Variants in ASIC2 observed in about 807,000 individuals in gnomAD.
ASIC2 encodes the protein acid-sensing ion channel 2.
A neutral mutation model predicts 57.3 loss-of-function variants in ASIC2; 25 were observed. The ratio of observed to expected loss-of-function variants is 0.44; its 90% confidence interval spans 0.32 to 0.61. The LOEUF (loss-of-function observed/expected upper bound fraction) is 0.61, where lower values mean the gene tolerates loss of function less well. Ranked by LOEUF, ASIC2 falls within the 20% of genes least tolerant of loss-of-function variation. ASIC2 has a pLI of 0.06. For missense variants in ASIC2, 641 were observed against 738.1 expected, an observed-to-expected ratio of 0.87 and a Z score of 1.52; for synonymous variants, 319 against 307.5, an observed-to-expected ratio of 1.04 and a Z score of -0.39.
intron 1 of ASIC2, among the ~76,000 whole-genome samples, chr17:33,938,633 A>C (rs1342359018): frequency 1.3e-5 from 2 of 152,136 alleles, no homozygotes; most frequent in African/African-American, 4.8e-5. Flanking sequence ...TTATTTGCCC[A>C]AGGCAAACAA....
chr17:33,784,948 A>G (rs1567714774), intron 1 of ASIC2, among the ~76,000 whole-genome samples: 1 of 152,146 alleles, frequency 6.6e-6, no homozygotes, highest in Non-Finnish European at 1.5e-5. Flanking sequence ...GCTCACTAAC[A>G]GCAGATTCTA....
intron 2 of ASIC2, among the ~76,000 whole-genome samples, chr17:33,095,324 C>T (rs980053674): frequency 2.6e-5 from 4 of 152,200 alleles, no homozygotes; most frequent in Admixed American, 6.5e-5. Context: ...TCGACATTTT[C>T]CCTCCATTCG....
At chr17:33,671,717 G>T (rs1389834987) in intron 1 of ASIC2, among the ~76,000 whole-genome samples, 2 of 152,146 alleles carry the variant, frequency 1.3e-5, no homozygotes, top group Non-Finnish European at 2.9e-5. Flanking sequence ...CACATTGCTG[G>T]GGGGTAAAGT....
intron 1 of ASIC2, among the ~76,000 whole-genome samples, chr17:34,147,575 C>G (rs373016366): frequency 6.6e-6 from 1 of 152,128 alleles, no homozygotes; most frequent in Non-Finnish European, 1.5e-5. Flanking sequence ...GCATTGGAGA[C>G]AGCTGCTATC....
At chr17:33,242,741 G>A (rs1908552551) in intron 1 of ASIC2, among the ~76,000 whole-genome samples, 1 of 152,080 alleles carries the variant, frequency 6.6e-6, no homozygotes, top group Admixed American at 6.5e-5. Flanking sequence ...TCTTGCTGAG[G>A]CCCATACCTT....
chr17:33,825,872 G>A (rs189572595), intron 1 of ASIC2, among the ~76,000 whole-genome samples: 153 of 152,118 alleles, frequency 1.0e-3, no homozygotes, highest in African/African-American at 3.6e-3. Context: ...AGATATATAA[G>A]ATAAATTTTA....
At chr17:33,084,148 T>G (rs1279252147) in intron 3 of ASIC2, among the ~76,000 whole-genome samples, 2 of 151,972 alleles carry the variant, frequency 1.3e-5, no homozygotes, top group Non-Finnish European at 2.9e-5. Flanking sequence ...TGTCCTTGAG[T>G]GAGCAGGGGC....
intron 1 of ASIC2, among the ~76,000 whole-genome samples, chr17:33,148,249 A>T (rs1023157824): frequency 3.3e-5 from 5 of 152,204 alleles, no homozygotes; most frequent in Non-Finnish European, 7.3e-5. Flanking sequence ...ACATTGACAC[A>T]TACCATATGC....
At chr17:33,970,650 A>G (rs1567773557) in intron 1 of ASIC2, among the ~76,000 whole-genome samples, 1 of 152,242 alleles carries the variant, frequency 6.6e-6, no homozygotes, top group Non-Finnish European at 1.5e-5. Context: ...AGACCCAGGG[A>G]GATTTAAGGC....
chr17:33,386,231 T>C (rs1909672401), intron 1 of ASIC2, among the ~76,000 whole-genome samples: 1 of 152,118 alleles, frequency 6.6e-6, no homozygotes, highest in Non-Finnish European at 1.5e-5. Context: ...AACTTTTATC[T>C]CCACCCTTGA....
chr17:33,306,578 G>C (rs1210337693), intron 1 of ASIC2, among the ~76,000 whole-genome samples: 1 of 152,040 alleles, frequency 6.6e-6, no homozygotes, highest in Non-Finnish European at 1.5e-5. Flanking sequence ...CATCACCAAG[G>C]GCTGTCGATG....
chr17:33,214,049 C>T (rs1907380317), intron 1 of ASIC2, among the ~76,000 whole-genome samples: 1 of 89,244 alleles, frequency 1.1e-5, no homozygotes, highest in South Asian at 3.0e-4. Flanking sequence ...GGTTGTTCTG[C>T]CAAGTGTGGG....
At chr17:33,793,709 G>C (rs1196828526) in intron 1 of ASIC2, 1 of 152,158 alleles carries the variant, frequency 6.6e-6, no homozygotes, top group African/African-American at 2.4e-5. Context: ...TTCTCAACCT[G>C]GTGATGGTGA....
At chr17:33,978,999 A>C (rs1021920695) in intron 1 of ASIC2, among the ~76,000 whole-genome samples, 27 of 152,186 alleles carry the variant, frequency 1.8e-4, no homozygotes, top group African/African-American at 6.3e-4. Context: ...TGACAGATCC[A>C]ACCAGAGTCA....
At chr17:33,561,211 GGATATATGTAT>G (rs1916064113) in intron 1 of ASIC2, among the ~76,000 whole-genome samples, 1 of 152,120 alleles carries the variant, frequency 6.6e-6, no homozygotes, top group South Asian at 2.1e-4. Flanking sequence ...TAGAATTTAT[GGATATATGTAT>G]GCATATATGT....
At chr17:34,016,797 G>A (rs1332001349) in intron 1 of ASIC2, among the ~76,000 whole-genome samples, 3 of 152,154 alleles carry the variant, frequency 2.0e-5, no homozygotes, top group African/African-American at 7.2e-5. Context: ...TTTGTATCAT[G>A]TTTATATGTT....
At chr17:33,412,450 G>A (rs1265236945) in intron 1 of ASIC2, among the ~76,000 whole-genome samples, 1 of 152,200 alleles carries the variant, frequency 6.6e-6, no homozygotes, top group Non-Finnish European at 1.5e-5. Context: ...GTGGCCTCCT[G>A]TCCTCCCTAT....
intron 1 of ASIC2, among the ~76,000 whole-genome samples, chr17:33,141,065 C>A (rs1454232949): frequency 6.6e-6 from 1 of 151,910 alleles, no homozygotes; most frequent in Non-Finnish European, 1.5e-5. Context: ...AGTCGCCTGT[C>A]TCCCTCATTG....
At chr17:33,921,251 C>A (rs1483443267) in intron 1 of ASIC2, among the ~76,000 whole-genome samples, 1 of 152,064 alleles carries the variant, frequency 6.6e-6, no homozygotes, top group Non-Finnish European at 1.5e-5. Flanking sequence ...CTTCTCTTAG[C>A]CTCACCTATA....
Sources: gnomAD v4.1 joint callset for allele counts (sites outside exome capture counted in the v4.1 genomes callset) on GRCh38, gnomAD v4.1.1 for gene constraint, MANE v1.5 for transcripts, NCBI Gene and HGNC (gene_info 2026-07-23, HGNC 2026-07-21) for gene names.